CDK14: variants seen among roughly 807,000 people sequenced by gnomAD.
The protein encoded by CDK14 is cyclin-dependent kinase 14.
Under a neutral mutation model 60.7 loss-of-function variants are expected in CDK14, and 34 were observed. The observed-to-expected ratio is 0.56, with a 90% CI of 0.43 to 0.75. The LOEUF is 0.75. Among genes scored for constraint, CDK14 ranks in the 30% least tolerant of loss-of-function variants. CDK14 has a pLI of 0.00. For synonymous variants in CDK14, 197 were observed against 203.7 expected (o/e 0.97, Z 0.28); for missense variants, 482 against 564.1 (o/e 0.85, Z 1.47).
At chr7:90,998,769 G>C (rs1371758088) in intron 10 of CDK14, among the ~76,000 whole-genome samples, 1 of 152,096 alleles carries the variant, frequency 6.6e-6, no homozygotes, top group Non-Finnish European at 1.5e-5. Context: ...GGCACCTGTA[G>C]TCCCAGCTAC....
chr7:90,732,726 T>C (rs2116738231), intron 3 of CDK14, among the ~76,000 whole-genome samples: 1 of 152,344 alleles, frequency 6.6e-6, no homozygotes, highest in South Asian at 2.1e-4. Flanking sequence ...TTGATTCTTC[T>C]CTCTTTTCTT....
At chr7:91,120,826 C>T (rs905708699) in intron 14 of CDK14, among the ~76,000 whole-genome samples, 3 of 152,076 alleles carry the variant, frequency 2.0e-5, no homozygotes, top group Non-Finnish European at 2.9e-5. Flanking sequence ...CGTGAGTCAC[C>T]GCGCCTGGCC....
At chr7:91,146,145 C>T (rs1373477386) in intron 14 of CDK14, among the ~76,000 whole-genome samples, 2 of 152,006 alleles carry the variant, frequency 1.3e-5, no homozygotes, top group Admixed American at 6.6e-5. Flanking sequence ...AGAACATATA[C>T]TTTGAAAAGG....
intron 14 of CDK14, among the ~76,000 whole-genome samples, chr7:91,156,044 A>G (rs1011612738): frequency 6.6e-6 from 1 of 152,202 alleles, no homozygotes. Context: ...TCCCATAATC[A>G]GTTCGCTGTT....
chr7:90,778,885 T>TTCCTTCC (rs1805172982), intron 4 of CDK14, among the ~76,000 whole-genome samples: 3 of 113,206 alleles, frequency 2.7e-5, no homozygotes, highest in Non-Finnish European at 5.4e-5. Context: ...CCTTCCTTCC[T>TTCCTTCC]TCCTTCCTTC....
At chr7:90,962,961 G>A (rs1584173639) in intron 9 of CDK14, among the ~76,000 whole-genome samples, 1 of 152,086 alleles carries the variant, frequency 6.6e-6, no homozygotes. Flanking sequence ...TTCTATTGGG[G>A]TACAGCATCC....
chr7:90,860,771 G>T (rs747769431), intron 5 of CDK14, among the ~76,000 whole-genome samples: 6 of 151,846 alleles, frequency 4.0e-5, no homozygotes, highest in Admixed American at 1.3e-4. Flanking sequence ...GATCCACCCC[G>T]CTCGGCCTCC....
intron 10 of CDK14, among the ~76,000 whole-genome samples, chr7:90,993,451 G>A (rs779551169): frequency 1.3e-5 from 2 of 152,128 alleles, no homozygotes; most frequent in African/African-American, 4.8e-5. Context: ...AGGTATTGGA[G>A]CAGGCAAGAG....
At chr7:90,859,758 A>C (rs1262760263) in intron 5 of CDK14, among the ~76,000 whole-genome samples, 2 of 152,180 alleles carry the variant, frequency 1.3e-5, no homozygotes, top group Non-Finnish European at 2.9e-5. Flanking sequence ...CATTTACATG[A>C]AAGTTCACTC....
At chr7:91,174,277 A>C (rs1801645235) in intron 14 of CDK14, among the ~76,000 whole-genome samples, 1 of 152,000 alleles carries the variant, frequency 6.6e-6, no homozygotes, top group Non-Finnish European at 1.5e-5. Flanking sequence ...TAACAAACAG[A>C]AAGGACATCC....
At chr7:90,754,620 A>G (rs937067351) in intron 4 of CDK14, among the ~76,000 whole-genome samples, 1 of 152,194 alleles carries the variant, frequency 6.6e-6, no homozygotes, top group Non-Finnish European at 1.5e-5. Flanking sequence ...AAAAGCCAAA[A>G]TTGATAAGTG....
intron 12 of CDK14, among the ~76,000 whole-genome samples, chr7:91,111,919 G>C (rs1799477880): frequency 6.6e-6 from 1 of 152,152 alleles, no homozygotes; most frequent in South Asian, 2.1e-4. Flanking sequence ...CTGTAATCTT[G>C]AGACACATAT....
At chr7:91,197,121 C>T (rs138038973) in intron 14 of CDK14, among the ~76,000 whole-genome samples, 12 of 152,182 alleles carry the variant, frequency 7.9e-5, no homozygotes, top group African/African-American at 2.2e-4. Flanking sequence ...AATCCTAGGC[C>T]GGGAGTGGTG....
intron 2 of CDK14, among the ~76,000 whole-genome samples, chr7:90,616,103 T>C (rs1799644658): frequency 6.6e-6 from 1 of 152,182 alleles, no homozygotes; most frequent in Non-Finnish European, 1.5e-5. Flanking sequence ...TCAGAAAATA[T>C]AGTCTTCTTA....
intron 9 of CDK14, among the ~76,000 whole-genome samples, chr7:90,959,922 C>T (rs1794550823): frequency 6.6e-6 from 1 of 152,118 alleles, no homozygotes. Context: ...TCAAATTGAA[C>T]ATTTCCTTTG....
At chr7:90,946,554 C>T (rs1040626136) in intron 8 of CDK14, among the ~76,000 whole-genome samples, 1 of 152,006 alleles carries the variant, frequency 6.6e-6, no homozygotes, top group Non-Finnish European at 1.5e-5. Context: ...TGAATTTGCT[C>T]AATAATCGCC....
At chr7:91,188,652 G>A (rs1802261740) in intron 14 of CDK14, among the ~76,000 whole-genome samples, 1 of 152,120 alleles carries the variant, frequency 6.6e-6, no homozygotes, top group African/African-American at 2.4e-5. Context: ...TTAAATAATT[G>A]CCAAGCCCAA....
intron 1 of CDK14, among the ~76,000 whole-genome samples, chr7:90,602,542 A>G (rs924553257): frequency 6.6e-6 from 1 of 152,260 alleles, no homozygotes; most frequent in African/African-American, 2.4e-5. Context: ...GTATTTATAC[A>G]GAGCCTTGTA....
intron 14 of CDK14, among the ~76,000 whole-genome samples, chr7:91,184,360 T>C (rs1419267487): frequency 6.6e-6 from 1 of 151,592 alleles, no homozygotes; most frequent in East Asian, 1.9e-4. Context: ...TAATGTGGTA[T>C]GATCAAGGTT....
Sources: gnomAD v4.1 joint callset for allele counts (sites outside exome capture counted in the v4.1 genomes callset) on GRCh38, gnomAD v4.1.1 for gene constraint, MANE v1.5 for transcripts, NCBI Gene and HGNC (gene_info 2026-07-23, HGNC 2026-07-21) for gene names.